Variants in ZNRF3 observed in about 807,000 individuals in gnomAD.
The protein encoded by ZNRF3 is E3 ubiquitin-protein ligase ZNRF3.
Under a neutral mutation model 72.5 loss-of-function variants are expected in ZNRF3, and 23 were observed. The observed-to-expected ratio is 0.32, with a 90% CI of 0.23 to 0.45. The LOEUF is 0.45. Ranked by LOEUF, ZNRF3 falls within the 20% of genes least tolerant of loss-of-function variation. ZNRF3 has a pLI of 1.00. For missense variants in ZNRF3, 1,169 were observed against 1,272.1 expected, an observed-to-expected ratio of 0.92 and a Z score of 1.23; for synonymous variants, 610 against 545.3, an observed-to-expected ratio of 1.12 and a Z score of -1.65.
intron 2 of ZNRF3, among the ~76,000 whole-genome samples, chr22:28,989,516 C>T (rs2035917546): frequency 6.6e-6 from 1 of 152,206 alleles, no homozygotes; most frequent in African/African-American, 2.4e-5. Context: ...GCAAAGTTAT[C>T]CCCTTGGGCA....
intron 1 of ZNRF3, among the ~76,000 whole-genome samples, chr22:28,936,852 C>T (rs879475580): frequency 2.4e-4 from 36 of 152,088 alleles, no homozygotes; most frequent in South Asian, 6.2e-4. Flanking sequence ...TGGAGTCCTG[C>T]ACTGTCCAAG....
At position 28,981,345 on chromosome 22, in the gene ZNRF3, A is replaced by G. The variant is rs77938523; in HGVS notation, c.301-5731A>G. Among the ~76,000 whole-genome samples the G allele has an allele frequency of 3.3e-5, 5 of 152,262 alleles. No individual in the cohort carries two copies. In the East Asian group the frequency reaches 9.7e-4, roughly 29 times the overall value. ...TGGGATCTTTTAAAATCAGAGGCTA[A>G]TAATTCTTTTTTATCTTTTTAAAAA... On this transcript the variant is annotated intron_variant, in intron 1 of 8. Transcript: ENST00000544604.
At chr22:29,022,275 C>T (rs2036554535) in intron 2 of ZNRF3, among the ~76,000 whole-genome samples, 1 of 152,220 alleles carries the variant, frequency 6.6e-6, no homozygotes. Context: ...ACGAATTGTA[C>T]ATTAACCAAC....
At chr22:28,994,943 A>G (rs1484430835) in intron 2 of ZNRF3, among the ~76,000 whole-genome samples, 1 of 152,222 alleles carries the variant, frequency 6.6e-6, no homozygotes, top group Non-Finnish European at 1.5e-5. Flanking sequence ...GTTATTCCCA[A>G]GGAGTGTTCT....
chr22:28,987,242 T>C (rs1370110793), intron 2 of ZNRF3, 41 bp downstream of exon 2: 1 of 1,584,238 alleles, frequency 6.3e-7, no homozygotes, highest in South Asian at 1.2e-5. Flanking sequence ...TTCTGGTTGG[T>C]GTTTTCCACT....
intron 1 of ZNRF3, among the ~76,000 whole-genome samples, chr22:28,948,101 C>A (rs2035087031): frequency 6.6e-6 from 1 of 152,066 alleles, no homozygotes; most frequent in African/African-American, 2.4e-5. Context: ...CCTTGGCCTC[C>A]CAAAGTGCTG....
At chr22:28,912,662 C>CTTTTTTTTT (rs138371253) in intron 1 of ZNRF3, among the ~76,000 whole-genome samples, 1 of 119,544 alleles carries the variant, frequency 8.4e-6, no homozygotes, top group Non-Finnish European at 1.8e-5. Context: ...TCTTTTCTTT[C>CTTTTTTTTT]TTTTTTTTTT....
Position 29,049,632 on chromosome 22 carries a change from G to A in ZNRF3, c.1451G>A (p.Gly484Glu), listed in dbSNP as rs761545519. ...FQGLSYPEQE[G>E]QSPPSLAPRG... Reference sequence around the variant, plus strand: ...GGCCTCAGCTACCCGGAGCAGGAGGGGCAGTCCCCACCTAGCCTCGCACCC... The same window carrying A: ...GGCCTCAGCTACCCGGAGCAGGAGGAGCAGTCCCCACCTAGCCTCGCACCC... The change falls in exon 8 of 9, where the codon GGG (glycine) becomes GAG (glutamate). Residue 484 changes from glycine to glutamate, a missense_variant. Gly to Glu is a moderately conservative substitution (Grantham distance 98, BLOSUM62 -2). Transcript: ENST00000544604. The surrounding 1 kb of genome is among the most constrained non-coding windows in gnomAD (Gnocchi z 5.2). 4 of 1,610,734 alleles carry A rather than the reference G, an allele frequency of 2.5e-6. No homozygotes were observed. The African/African-American group carries it at 5.3e-5, about 21-fold the overall frequency.
chr22:28,971,561 C>T (rs1016606873), intron 1 of ZNRF3, among the ~76,000 whole-genome samples: 5 of 152,078 alleles, frequency 3.3e-5, no homozygotes, highest in Non-Finnish European at 2.9e-5. Context: ...GGATGTAAGA[C>T]GTGTGTTTAT....
intron 8 of ZNRF3, among the ~76,000 whole-genome samples, chr22:29,052,563 T>C (rs1442587017): frequency 1.3e-5 from 2 of 151,976 alleles, no homozygotes; most frequent in Non-Finnish European, 2.9e-5. Context: ...CGTGGTGGCG[T>C]GTGCCTGTAG....
intron 1 of ZNRF3, among the ~76,000 whole-genome samples, chr22:28,958,455 G>A (rs911336815): frequency 4.3e-5 from 6 of 139,868 alleles, no homozygotes; most frequent in African/African-American, 1.5e-4. Context: ...GGTGGCGGGC[G>A]GTGTTAGAGT....
chr22:28,985,349 A>G (rs1440649321), intron 1 of ZNRF3, among the ~76,000 whole-genome samples: 2 of 150,894 alleles, frequency 1.3e-5, no homozygotes, highest in Non-Finnish European at 3.0e-5. Context: ...CCTCTATATC[A>G]TCTCTTAGCA....
chr22:28,967,869 T>C (rs532946318), intron 1 of ZNRF3, among the ~76,000 whole-genome samples: 2 of 145,440 alleles, frequency 1.4e-5, no homozygotes, highest in African/African-American at 5.1e-5. Context: ...GAGGCTACAG[T>C]GAGCTGAGGT....
chr22:29,008,792 C>T (rs909378041), intron 2 of ZNRF3, among the ~76,000 whole-genome samples: 1 of 152,200 alleles, frequency 6.6e-6, no homozygotes, highest in African/African-American at 2.4e-5. Context: ...TTGGACATCT[C>T]GTACCACTCG....
At chr22:28,936,166 T>C (rs928315521) in intron 1 of ZNRF3, among the ~76,000 whole-genome samples, 1 of 152,152 alleles carries the variant, frequency 6.6e-6, no homozygotes, top group African/African-American at 2.4e-5. Context: ...TCCTAACATC[T>C]TGCAAAGGTC....
At chr22:28,990,941 C>G (rs1047288126) in intron 2 of ZNRF3, among the ~76,000 whole-genome samples, 3 of 151,912 alleles carry the variant, frequency 2.0e-5, no homozygotes, top group Non-Finnish European at 4.4e-5. Flanking sequence ...AATAAATGCC[C>G]CATAACCACC....
intron 2 of ZNRF3, chr22:29,031,620 A>G (rs1002953080): frequency 7.2e-5 from 71 of 985,410 alleles, no homozygotes; most frequent in Admixed American, 1.8e-4. Flanking sequence ...GGAGGAAAGG[A>G]AAAAGTGAGG....
At chr22:28,967,400 CA>C (rs1245260680) in intron 1 of ZNRF3, among the ~76,000 whole-genome samples, 1 of 152,130 alleles carries the variant, frequency 6.6e-6, no homozygotes, top group Admixed American at 6.5e-5. Flanking sequence ...TGCACAGTGA[CA>C]AAATCGCCTA....
At chr22:28,895,295 G>A (rs2033970455) in intron 1 of ZNRF3, among the ~76,000 whole-genome samples, 1 of 152,168 alleles carries the variant, frequency 6.6e-6, no homozygotes, top group Admixed American at 6.5e-5. Flanking sequence ...ATTGGCCTGT[G>A]CCTTCAGGAT....
Sources: allele counts gnomAD v4.1 joint callset (sites outside exome capture counted in the v4.1 genomes callset), GRCh38; gene constraint gnomAD v4.1.1; non-coding constraint Gnocchi (gnomAD v3.1); transcripts MANE v1.5; gene names NCBI Gene and HGNC (gene_info 2026-07-23, HGNC 2026-07-21).